Variants in TNRC6B observed in about 807,000 individuals in gnomAD.
The protein encoded by TNRC6B is trinucleotide repeat containing adaptor 6B.
A neutral mutation model predicts 203.6 loss-of-function variants in TNRC6B; 52 were observed. The ratio of observed to expected loss-of-function variants is 0.26; its 90% CI spans 0.20 to 0.32. TNRC6B has a LOEUF of 0.32. Among genes scored for constraint, TNRC6B ranks in the 10% least tolerant of loss-of-function variants. The pLI is 1.00. For missense variants in TNRC6B, 1,923 were observed against 2,286.2 expected (o/e 0.84, Z 3.24); for synonymous variants, 838 against 845.7 (o/e 0.99, Z 0.16).
chr22:40,078,057 A>G (rs1235154866), intron 1 of TNRC6B, among the ~76,000 whole-genome samples: 3 of 152,220 alleles, frequency 2.0e-5, no homozygotes, highest in Admixed American at 6.5e-5. Flanking sequence ...CTAAATTTCC[A>G]TAAGAATTGC....
intron 21 of TNRC6B, among the ~76,000 whole-genome samples, chr22:40,319,252 C>A (rs1235182257): frequency 2.0e-5 from 3 of 149,258 alleles, no homozygotes; most frequent in African/African-American, 7.5e-5. Flanking sequence ...AAGAGTGAGA[C>A]CCCCCCCATC....
chr22:40,116,237 C>T (rs147532683), intron 1 of TNRC6B, among the ~76,000 whole-genome samples: 16 of 152,312 alleles, frequency 1.1e-4, no homozygotes, highest in East Asian at 3.9e-4. Flanking sequence ...TTTCTGACAG[C>T]GGTGTAGATG....
rs141962328 is a variant in TNRC6B at position 40,250,066 on chromosome 22, T to G, written c.94-1113T>G. Among the ~76,000 whole-genome samples, 308 of 152,332 alleles carry G rather than the reference T, an allele frequency of 2.0e-3. 1 individual carries two copies. Among genetic ancestry groups the G allele is most frequent in the African/African-American group, 7.2e-3 (301 of 41,570 alleles). On this transcript the variant is annotated intron_variant, in intron 2 of 22. Transcript: ENST00000454349. The stretch of plus-strand genomic sequence containing the variant: ...GTGAACCCCCATGGCCGTAATCCAG[T>G]ACGATTACCAGCCACAAATCATCAG...
chr22:40,321,357 T>A (rs1016231269), intron 22 of TNRC6B, 128 bp downstream of exon 22: 15 of 1,154,988 alleles, frequency 1.3e-5, no homozygotes, highest in East Asian at 2.6e-5. Flanking sequence ...CACGTGCATC[T>A]GCAAGTCTCG....
chr22:40,110,638 C>T (rs1286006365), intron 1 of TNRC6B, among the ~76,000 whole-genome samples: 1 of 152,224 alleles, frequency 6.6e-6, no homozygotes, highest in Non-Finnish European at 1.5e-5. Context: ...ATGAGTCTTT[C>T]TGGTCATTCC....
intron 1 of TNRC6B, among the ~76,000 whole-genome samples, chr22:40,116,352 AT>A (rs2068388133): frequency 6.6e-6 from 1 of 152,214 alleles, no homozygotes; most frequent in Non-Finnish European, 1.5e-5. Context: ...TTGTTTGTTC[AT>A]TGTAAAATGA....
intron 1 of TNRC6B, among the ~76,000 whole-genome samples, chr22:40,192,954 G>T (rs1237365445): frequency 6.6e-6 from 1 of 152,238 alleles, no homozygotes; most frequent in Non-Finnish European, 1.5e-5. Flanking sequence ...GGCCATGGGA[G>T]TGACAGTGCT....
chr22:40,285,897 T>G, intron 12 of TNRC6B, 127 bp downstream of exon 12: 1 of 1,250,704 alleles, frequency 8.0e-7, no homozygotes, highest in Non-Finnish European at 1.1e-6. Flanking sequence ...AAAGCCATCT[T>G]TTCTTGACCT....
intron 1 of TNRC6B, among the ~76,000 whole-genome samples, chr22:40,070,929 T>C (rs1026327906): frequency 2.0e-5 from 3 of 152,190 alleles, no homozygotes; most frequent in African/African-American, 4.8e-5. Context: ...ATAAATAGTT[T>C]CATGTCAGTT....
rs1334063821 is a variant in TNRC6B, at chr22:40,266,133, G to A, written c.1903G>A (p.Asp635Asn). The A allele has an allele frequency of 6.2e-7, 1 of 1,613,954 alleles. No homozygotes were observed. Among genetic ancestry groups the A allele is most frequent in the East Asian group, 2.2e-5 (1 of 44,894 alleles). Reference sequence around the variant, plus strand: ...TCAAATTAAGCAGGACACAGTGTGGGACATTGAAGAGGTGCCAAGGCCTGA... The same window carrying A: ...TCAAATTAAGCAGGACACAGTGTGGAACATTGAAGAGGTGCCAAGGCCTGA... ...QTQIKQDTVWDIEEVPRPEGK... is the reference protein window; with the variant it reads ...QTQIKQDTVWNIEEVPRPEGK... The change falls in exon 5 of 23, where the codon GAC becomes AAC. Residue 635 changes from aspartate (D) to asparagine (N), a missense_variant. Physicochemically the swap from Asp to Asn is conservative, Grantham distance 23. Transcript: ENST00000454349.
chr22:40,288,643 A>G (rs920588119), intron 12 of TNRC6B, among the ~76,000 whole-genome samples: 1 of 151,974 alleles, frequency 6.6e-6, no homozygotes, highest in Non-Finnish European at 1.5e-5. Context: ...CCCAAGTTCA[A>G]GTGATTCTCC....
At chr22:40,307,528 A>G (rs2071104069) in intron 15 of TNRC6B, among the ~76,000 whole-genome samples, 1 of 152,032 alleles carries the variant, frequency 6.6e-6, no homozygotes, top group South Asian at 2.1e-4. Context: ...TGTCACACAC[A>G]TTCTGACCCA....
At position 40,332,499 on chromosome 22, in the gene TNRC6B, C is replaced by T. The variant is rs956795195; in HGVS notation, c.*9258C>T. 4 of 152,554 alleles carry T rather than the reference C, an allele frequency of 2.6e-5. No individual in the cohort carries two copies. The highest frequency in any genetic ancestry group is 2.0e-4 in the Admixed American group (3 of 15,266). The allele number at this position is 152,554 out of a possible 1,614,324, so 9.5% of individuals were successfully genotyped here. ...TATTTGCAACACACAGTATCGTAAG[C>T]GAGAGATTGTTCTGCCTATATTCAG... is the stretch of plus-strand genomic sequence containing the variant. On this transcript the variant is annotated 3_prime_UTR_variant, in exon 23 of 23. Coordinates refer to ENST00000454349, the MANE Select transcript of TNRC6B (RefSeq NM_001162501.2).
chr22:40,206,696 G>A (rs1203379767), intron 1 of TNRC6B, among the ~76,000 whole-genome samples: 2 of 152,152 alleles, frequency 1.3e-5, no homozygotes, highest in Admixed American at 1.3e-4. Flanking sequence ...GTGTGGTGTA[G>A]ATGCAGGGGC....
intron 4 of TNRC6B, among the ~76,000 whole-genome samples, chr22:40,157,034 C>T (rs2068824251): frequency 6.6e-6 from 1 of 151,998 alleles, no homozygotes; most frequent in African/African-American, 2.4e-5. Context: ...CTCGGCCTCC[C>T]AAAGTGCTGG....
chr22:40,081,299 G>T (rs2068061763), intron 1 of TNRC6B, among the ~76,000 whole-genome samples: 2 of 139,800 alleles, frequency 1.4e-5, no homozygotes, highest in Non-Finnish European at 1.5e-5. Context: ...TCCTTTAAGT[G>T]TCTGCGTGTT....
intron 9 of TNRC6B, among the ~76,000 whole-genome samples, 192 bp from the exon 10 acceptor site, chr22:40,279,803 G>A (rs1229838441): frequency 6.6e-6 from 1 of 152,034 alleles, no homozygotes; most frequent in Non-Finnish European, 1.5e-5. Flanking sequence ...AAATAAAAAG[G>A]ACCCATGTGT....
Position 40,315,463 on chromosome 22 carries a change from G to A in TNRC6B, c.4859G>A (p.Arg1620Gln), listed in dbSNP as rs1242433893. The change falls in exon 20 of 23, where the codon CGA becomes CAA. Residue 1620 changes from arginine to glutamine, a missense_variant. Coordinates refer to ENST00000454349, the MANE Select transcript of TNRC6B (RefSeq NM_001162501.2). The part of the protein sequence containing the change: ...PSSPWSSTAP[R>Q]SVRGWGTQDS... The stretch of plus-strand genomic sequence containing the variant: ...TCTCCCTGGAGCAGCACAGCACCCC[G>A]ATCAGTCAGGGGGTGGGGGACACAG... The A allele has an allele frequency of 3.7e-6, 6 of 1,613,998 alleles. No individual in the cohort carries two copies. Among genetic ancestry groups the A allele is most frequent in the Non-Finnish European group, 2.5e-6 (3 of 1,179,896 alleles).
At chr22:40,177,871 C>T, upstream of TNRC6B, 2 of 1,312,774 alleles carry the variant, frequency 1.5e-6, no homozygotes, top group Non-Finnish European at 1.9e-6. Context: ...GACAAACCTA[C>T]CCGAAGTCAC....
Sources: allele counts gnomAD v4.1 joint callset (sites outside exome capture counted in the v4.1 genomes callset), GRCh38; gene constraint gnomAD v4.1.1; transcripts MANE v1.5; gene names NCBI Gene and HGNC (gene_info 2026-07-23, HGNC 2026-07-21).